The following ATP2A2 variants were observed in gnomAD, a reference collection of about 807,000 sequenced individuals.
The protein encoded by ATP2A2 is ATPase sarcoplasmic/endoplasmic reticulum Ca2+ transporting 2, also known as sarcoplasmic/endoplasmic reticulum calcium ATPase 2.
ATP2A2 carries 14 observed loss-of-function variants against 109.3 expected under a neutral mutation model. That is an observed-to-expected ratio of 0.13 (90% CI 0.08 to 0.20). The LOEUF (loss-of-function observed/expected upper bound fraction) is 0.20, where lower values mean the gene tolerates loss of function less well. ATP2A2 is among the 10% of genes least tolerant of loss of function. ATP2A2 has a pLI of 1.00. For synonymous variants in ATP2A2, 506 were observed against 490.9 expected (o/e 1.03, Z -0.41); for missense variants, 657 against 1,321.6 (o/e 0.50, Z 7.80).
Position 110,349,842 on chromosome 12 carries a change from T to A in ATP2A2, c.*3372T>A. Reference sequence around the variant, plus strand: ...CTGAGGAGAATGATGCGGAGGAGTTTCCTCTCCAGGGCTAGGCAAGGCAGG... The same window carrying A: ...CTGAGGAGAATGATGCGGAGGAGTTACCTCTCCAGGGCTAGGCAAGGCAGG... On this transcript the variant is annotated 3_prime_UTR_variant, in exon 20 of 20. Coordinates refer to ENST00000539276, the MANE Select transcript of ATP2A2 (RefSeq NM_170665.4). The A allele has an allele frequency of 9.6e-7, 1 of 1,042,816 alleles. No individual in the cohort carries two copies. Among genetic ancestry groups the A allele is most frequent in the Non-Finnish European group, 1.2e-6 (1 of 864,484 alleles). The allele number at this position is 1,042,816 out of a possible 1,614,324, so 64.6% of individuals were successfully genotyped here.
At chr12:110,331,942 C>T (rs1259708035) in intron 8 of ATP2A2, 1 of 152,232 alleles carries the variant, frequency 6.6e-6, no homozygotes, top group African/African-American at 2.4e-5. Flanking sequence ...TTAATCCTTT[C>T]CTAAGCATGC....
chr12:110,283,123 G>C (rs1206411922), intron 3 of ATP2A2, among the ~76,000 whole-genome samples: 1 of 152,174 alleles, frequency 6.6e-6, no homozygotes, highest in Non-Finnish European at 1.5e-5. Context: ...TTCTTCCATT[G>C]TTATCGTGTT....
At chr12:110,288,543 T>TA (rs1276370473) in intron 3 of ATP2A2, among the ~76,000 whole-genome samples, 1 of 152,072 alleles carries the variant, frequency 6.6e-6, no homozygotes, top group Admixed American at 6.6e-5. Context: ...TAGCTGGGAT[T>TA]ACAGGCGTCC....
chr12:110,282,999 T>C (rs1251932717), intron 3 of ATP2A2, among the ~76,000 whole-genome samples: 1 of 152,196 alleles, frequency 6.6e-6, no homozygotes, highest in Non-Finnish European at 1.5e-5. Flanking sequence ...ATGCCTGACA[T>C]TTACAGTGTG....
chr12:110,349,165 T>G lies in ATP2A2; in HGVS notation c.*2695T>G, dbSNP rs879800321. 4.1e-5 allele frequency: 40 copies of G among 985,406 alleles called. No individual in the cohort carries two copies. Among genetic ancestry groups the G allele is most frequent in the Non-Finnish European group, 4.8e-5 (40 of 830,030 alleles). The allele number at this position is 985,406 out of a possible 1,614,324, so 61.0% of individuals were successfully genotyped here. A position where few individuals can be genotyped will look rare whatever the true frequency, so the allele number is the denominator to read the frequency against. ...AGCAGGGCCACTTGCTCCATTTCAC[T>G]GAAGGCTTTGCTGGGTGAAAACACT... On this transcript the variant is annotated 3_prime_UTR_variant, in exon 20 of 20. Transcript: ENST00000539276.
At position 110,346,701 on chromosome 12, in the gene ATP2A2, T is replaced by C; in HGVS notation, c.*231T>C. ...TGTACAGAGAACTAACACTATTTTATGCAAATATTTTTTTGTAGATGAAAA... is the reference window on the plus strand; with the variant it reads ...TGTACAGAGAACTAACACTATTTTACGCAAATATTTTTTTGTAGATGAAAA... On this transcript the variant is annotated 3_prime_UTR_variant, in exon 20 of 20. Coordinates refer to ENST00000539276, the MANE Select transcript of ATP2A2 (RefSeq NM_170665.4). 2.2e-6 allele frequency: 3 copies of C among 1,393,906 alleles called. No individual in the cohort carries two copies. Among genetic ancestry groups the C allele is most frequent in the East Asian group, 5.6e-5 (2 of 35,698 alleles). The allele number at this position is 1,393,906 out of a possible 1,614,324, so 86.3% of individuals were successfully genotyped here. A position where few individuals can be genotyped will look rare whatever the true frequency, so the allele number is the denominator to read the frequency against.
At chr12:110,306,885 C>T (rs903725241) in intron 5 of ATP2A2, among the ~76,000 whole-genome samples, 15 of 152,054 alleles carry the variant, frequency 9.9e-5, no homozygotes, top group African/African-American at 3.6e-4. Context: ...ACCTCAGCCT[C>T]CTTGTAGCTG....
intron 3 of ATP2A2, among the ~76,000 whole-genome samples, chr12:110,284,990 G>A (rs761473788): frequency 1.3e-5 from 2 of 152,112 alleles, no homozygotes; most frequent in African/African-American, 2.4e-5. Flanking sequence ...CTCTCTTTTT[G>A]TGTCAGTTTA....
intron 6 of ATP2A2, among the ~76,000 whole-genome samples, chr12:110,324,880 G>A (rs1031948490): frequency 4.0e-5 from 6 of 150,020 alleles, no homozygotes; most frequent in Non-Finnish European, 7.4e-5. Context: ...CCAGTGGCGC[G>A]ATCTCAGCTC....
intron 11 of ATP2A2, among the ~76,000 whole-genome samples, chr12:110,334,518 C>G (rs150721489): frequency 6.4e-4 from 97 of 151,164 alleles, no homozygotes; most frequent in African/African-American, 2.3e-3. Flanking sequence ...GTCTTTCTAT[C>G]TTGAAACTTT....
chr12:110,307,922 C>T (rs1164340044), intron 5 of ATP2A2, among the ~76,000 whole-genome samples: 1 of 152,164 alleles, frequency 6.6e-6, no homozygotes, highest in Non-Finnish European at 1.5e-5. Flanking sequence ...TTGCTTAGGG[C>T]AGTGTTGAGA....
In ATP2A2 at chr12:110,346,461, C is replaced by G. The variant is rs772652953; in HGVS notation, c.3120C>G (p.Phe1040Leu). 1 of 1,614,186 alleles carries G rather than the reference C, an allele frequency of 6.2e-7. No individual in the cohort carries two copies. The highest frequency in any genetic ancestry group is 8.5e-7 in the Non-Finnish European group (1 of 1,180,024). ...YSTDTNFSDMFWS is the reference protein window; with the variant it reads ...YSTDTNFSDMLWS Reference sequence around the variant, plus strand: ...CAGACACTAACTTTAGCGATATGTTCTGGTCTTGACTGACAGTTTTCCATA... The same window carrying G: ...CAGACACTAACTTTAGCGATATGTTGTGGTCTTGACTGACAGTTTTCCATA... The change falls in exon 20 of 20, where the codon TTC becomes TTG. Residue 1040 changes from phenylalanine (F) to leucine (L), a missense_variant. Physicochemically the swap from Phe to Leu is conservative, Grantham distance 22 (BLOSUM62 0). Coordinates refer to ENST00000539276, the MANE Select transcript of ATP2A2 (RefSeq NM_170665.4).
intron 14 of ATP2A2, 117 bp downstream of exon 14, chr12:110,341,111 G>T: frequency 8.8e-7 from 1 of 1,138,618 alleles, no homozygotes; most frequent in Non-Finnish European, 1.3e-6. Context: ...GTCATGATTT[G>T]GGTCTTTTCT....
Position 110,327,430 on chromosome 12 carries a change from G to A in ATP2A2, c.631-123G>A. The A allele has an allele frequency of 1.1e-6, 1 of 891,116 alleles. No individual in the cohort carries two copies. Among genetic ancestry groups the A allele is most frequent in the Admixed American group, 1.7e-5 (1 of 58,670 alleles). The allele number at this position is 891,116 out of a possible 1,614,324, so 55.2% of individuals were successfully genotyped here. A position where few individuals can be genotyped will look rare whatever the true frequency, so the allele number is the denominator to read the frequency against. ...AGTTGTATGGCTGGTTGCTTGAACA[G>A]TAGCCAGTGGAAGACCTAGTAGAAT... On this transcript the variant is annotated intron_variant, in intron 7 of 19. Transcript: ENST00000539276. This position sits in a 1 kb window ranked among gnomAD's most constrained non-coding sequence, Gnocchi z 4.4.
At chr12:110,297,629 GTT>G (rs1252693927) in intron 5 of ATP2A2, among the ~76,000 whole-genome samples, 1 of 151,118 alleles carries the variant, frequency 6.6e-6, no homozygotes, top group African/African-American at 2.4e-5. Context: ...GTTTTGTTTT[GTT>G]TTTTGAGATG....
intron 14 of ATP2A2, among the ~76,000 whole-genome samples, chr12:110,341,215 G>A (rs913809973): frequency 6.7e-6 from 1 of 150,130 alleles, no homozygotes; most frequent in Non-Finnish European, 1.5e-5. Flanking sequence ...TTCCAGATCA[G>A]TCCCAGAGGA....
chr12:110,281,228 G>A (rs1872039326), upstream of ATP2A2: 1 of 151,072 alleles, frequency 6.6e-6, no homozygotes, highest in Non-Finnish European at 1.5e-5. Flanking sequence ...GAAAGGGGAG[G>A]CAGCGGCCGA....
chr12:110,311,589 C>G (rs1322661584), intron 5 of ATP2A2, among the ~76,000 whole-genome samples: 2 of 92,842 alleles, frequency 2.2e-5, no homozygotes, highest in African/African-American at 4.3e-5. Context: ...GAGCGAGACT[C>G]CATCTCAAAA....
intron 4 of ATP2A2, among the ~76,000 whole-genome samples, chr12:110,294,201 G>A (rs150208112): frequency 0.023 from 3,453 of 151,908 alleles, 125 homozygotes; most frequent in African/African-American, 0.078. Context: ...CCACCACCAC[G>A]CCCAGCTAAT....
Sources: gnomAD v4.1 joint callset for allele counts (sites outside exome capture counted in the v4.1 genomes callset) on GRCh38, gnomAD v4.1.1 for gene constraint, Gnocchi (gnomAD v3.1) non-coding constraint, MANE v1.5 for transcripts, NCBI Gene and HGNC (gene_info 2026-07-23, HGNC 2026-07-21) for gene names.